ADAM23: variants seen among roughly 807,000 people sequenced by gnomAD.
The protein encoded by ADAM23 is ADAM metallopeptidase domain 23.
A neutral mutation model predicts 120.1 loss-of-function variants in ADAM23; 33 were observed. The ratio of observed to expected loss-of-function variants is 0.27; its 90% CI spans 0.21 to 0.37. The LOEUF is 0.37. Among genes scored for constraint, ADAM23 ranks in the 10% least tolerant of loss-of-function variants. The pLI, the probability that ADAM23 is intolerant of heterozygous loss-of-function variation, is 1.00. For synonymous variants in ADAM23, 367 were observed against 375.2 expected, an observed-to-expected ratio of 0.98 and a Z score of 0.25; for missense variants, 862 against 1,058.2, an observed-to-expected ratio of 0.81 and a Z score of 2.57.
chr2:206,617,543 C>T (rs1016610661), intron 25 of ADAM23, 36 bp from the exon 26 acceptor site: 3 of 1,577,050 alleles, frequency 1.9e-6, no homozygotes, highest in Admixed American at 3.5e-5. Context: ...GGATTTTCCC[C>T]CTCTGCTTGC....
At chr2:206,545,754 T>C (rs866327685) in intron 6 of ADAM23, among the ~76,000 whole-genome samples, 8 of 152,206 alleles carry the variant, frequency 5.3e-5, no homozygotes, top group Non-Finnish European at 1.2e-4. Flanking sequence ...TAAAATGTTA[T>C]TTATCTCACT....
intron 24 of ADAM23, chr2:206,607,831 A>T: frequency 3.6e-6 from 1 of 278,582 alleles, no homozygotes; most frequent in Non-Finnish European, 7.0e-6. Context: ...AACATTTCTT[A>T]GTTTAATTGA....
intron 9 of ADAM23, among the ~76,000 whole-genome samples, chr2:206,554,636 A>G (rs769488768): frequency 3.3e-5 from 5 of 152,204 alleles, no homozygotes; most frequent in Non-Finnish European, 1.5e-5. Flanking sequence ...ACTATTTAAT[A>G]GGAATTGTTA....
chr2:206,606,869 A>G (rs931174189), intron 24 of ADAM23: 1 of 152,200 alleles, frequency 6.6e-6, no homozygotes, highest in South Asian at 2.1e-4. Context: ...TAACACTTCA[A>G]AGTGGCCCAG....
intron 25 of ADAM23, among the ~76,000 whole-genome samples, chr2:206,615,885 G>A (rs1351358886): frequency 6.6e-6 from 1 of 152,200 alleles, no homozygotes; most frequent in Non-Finnish European, 1.5e-5. Flanking sequence ...TTGCTGTTAC[G>A]ACCTTGGACA....
At chr2:206,527,724 T>C (rs1324541839) in intron 3 of ADAM23, among the ~76,000 whole-genome samples, 4 of 152,184 alleles carry the variant, frequency 2.6e-5, no homozygotes. Flanking sequence ...TGCCAGGTGC[T>C]AGGGATACTG....
At chr2:206,472,049 C>T (rs182283807) in intron 2 of ADAM23, among the ~76,000 whole-genome samples, 136 of 152,224 alleles carry the variant, frequency 8.9e-4, no homozygotes, top group Middle Eastern at 3.4e-3. Context: ...GTATAGAAGA[C>T]GTTTCATATA....
At chr2:206,494,882 G>A (rs1696206130) in intron 3 of ADAM23, among the ~76,000 whole-genome samples, 1 of 150,828 alleles carries the variant, frequency 6.6e-6, no homozygotes, top group African/African-American at 2.5e-5. Flanking sequence ...GCTATCAACT[G>A]GAAGAAAGGG....
intron 3 of ADAM23, among the ~76,000 whole-genome samples, chr2:206,499,505 AGGG>A (rs1003866171): frequency 2.9e-5 from 3 of 102,168 alleles, no homozygotes; most frequent in Admixed American, 1.0e-4. Flanking sequence ...GGGTGGGGGG[AGGG>A]GGGATAGCAT....
intron 3 of ADAM23, among the ~76,000 whole-genome samples, chr2:206,522,779 T>C (rs1036761593): frequency 1.3e-5 from 2 of 151,524 alleles, no homozygotes; most frequent in Non-Finnish European, 2.9e-5. Flanking sequence ...CCTTTTTTAT[T>C]TGGATCCAGT....
In ADAM23 at chr2:206,487,225, A is replaced by G. The variant is rs139875444; in HGVS notation, c.509+5917A>G. Among the ~76,000 whole-genome samples the G allele has an allele frequency of 3.9e-3, 599 of 152,226 alleles. 6 individuals carry two copies. Among genetic ancestry groups the G allele is most frequent in the African/African-American group, 0.013 (556 of 41,532 alleles). The stretch of plus-strand genomic sequence containing the variant: ...TGTTGGGGGATTCTACATTGAGGAG[A>G]AGAGGCATTGATCTCATGGAACTTA... On this transcript the variant is annotated intron_variant, in intron 3 of 25. Coordinates refer to ENST00000264377, the MANE Select transcript of ADAM23 (RefSeq NM_003812.4).
At chr2:206,605,815 A>G (rs1308977528) in intron 24 of ADAM23, 4 of 701,856 alleles carry the variant, frequency 5.7e-6, no homozygotes, top group Non-Finnish European at 7.8e-6. Flanking sequence ...GCAGGCTAAT[A>G]GGGGCCGTGG....
chr2:206,503,436 G>A (rs1178051999), intron 3 of ADAM23, among the ~76,000 whole-genome samples: 1 of 152,120 alleles, frequency 6.6e-6, no homozygotes, highest in African/African-American at 2.4e-5. Context: ...CTGACACAAG[G>A]TAGAGGGTCA....
intron 18 of ADAM23, among the ~76,000 whole-genome samples, chr2:206,585,785 T>C (rs1698310179): frequency 6.6e-6 from 1 of 151,738 alleles, no homozygotes; most frequent in East Asian, 1.9e-4. Flanking sequence ...TAAGTAAAAC[T>C]TATGAATTGT....
At chr2:206,526,331 GAT>G (rs1163268765) in intron 3 of ADAM23, among the ~76,000 whole-genome samples, 1 of 152,116 alleles carries the variant, frequency 6.6e-6, no homozygotes, top group Middle Eastern at 3.2e-3. Flanking sequence ...ATTTCTAAAA[GAT>G]ATTTGTGATA....
At chr2:206,615,636 A>G (rs1186015867) in intron 25 of ADAM23, among the ~76,000 whole-genome samples, 1 of 152,166 alleles carries the variant, frequency 6.6e-6, no homozygotes, top group Non-Finnish European at 1.5e-5. Flanking sequence ...AGGTCCTGGA[A>G]TGCCCCATTG....
Position 206,576,025 on chromosome 2 carries a change from C to G in ADAM23, c.1737+2830C>G, listed in dbSNP as rs115407336. Among the ~76,000 whole-genome samples the G allele has an allele frequency of 5.4e-3, 818 of 152,062 alleles. 2 individuals are homozygous for G. Among genetic ancestry groups the G allele is most frequent in the Non-Finnish European group, 9.2e-3 (623 of 67,958 alleles). ...TATTTGAAATTCAATTCAGATGGAC[C>G]CTCTTAAAGAAATGGTACAGTGAAA... On this transcript the variant is annotated intron_variant, in intron 18 of 25. Coordinates refer to ENST00000264377, the MANE Select transcript of ADAM23 (RefSeq NM_003812.4).
intron 3 of ADAM23, among the ~76,000 whole-genome samples, chr2:206,497,697 T>A (rs1160858646): frequency 6.6e-6 from 1 of 152,060 alleles, no homozygotes; most frequent in Non-Finnish European, 1.5e-5. Context: ...CAATTAGGAA[T>A]AGAGGAAGTC....
intron 24 of ADAM23, among the ~76,000 whole-genome samples, chr2:206,599,370 T>G (rs548813600): frequency 1.3e-5 from 2 of 152,168 alleles, no homozygotes; most frequent in African/African-American, 2.4e-5. Context: ...AAATTGAAAA[T>G]GTCATTAAAT....
Sources: allele counts gnomAD v4.1 joint callset (sites outside exome capture counted in the v4.1 genomes callset), GRCh38; gene constraint gnomAD v4.1.1; transcripts MANE v1.5; gene names NCBI Gene and HGNC (gene_info 2026-07-23, HGNC 2026-07-21).